The following CDH12 variants were observed in gnomAD, a reference collection of about 807,000 sequenced individuals.
The protein encoded by CDH12 is cadherin 12.
A neutral mutation model predicts 74.1 loss-of-function variants in CDH12; 41 were observed. The observed-to-expected ratio is 0.55, with a 90% CI of 0.43 to 0.72. The LOEUF (loss-of-function observed/expected upper bound fraction) is 0.72, where lower values mean the gene tolerates loss of function less well. Among genes scored for constraint, CDH12 ranks in the 30% least tolerant of loss-of-function variants. The pLI is 0.00. For missense variants in CDH12, 945 were observed against 977.2 expected, an observed-to-expected ratio of 0.97 and a Z score of 0.44; for synonymous variants, 399 against 355.0, an observed-to-expected ratio of 1.12 and a Z score of -1.39.
chr5:22,270,945 T>C (rs573927116), intron 3 of CDH12, among the ~76,000 whole-genome samples: 4 of 152,260 alleles, frequency 2.6e-5, no homozygotes, highest in Admixed American at 2.0e-4. Flanking sequence ...AATGCTGGGA[T>C]TACAGATGTG....
At chr5:21,941,594 T>C (rs1316377395) in intron 6 of CDH12, among the ~76,000 whole-genome samples, 1 of 151,866 alleles carries the variant, frequency 6.6e-6, no homozygotes, top group East Asian at 1.9e-4. Context: ...TGTACTTAGA[T>C]GTAGCTGAAT....
intron 6 of CDH12, among the ~76,000 whole-genome samples, chr5:21,956,980 T>G (rs1422540817): frequency 6.6e-6 from 1 of 151,986 alleles, no homozygotes; most frequent in Non-Finnish European, 1.5e-5. Context: ...TAAACTCGTG[T>G]CACCAGGGTT....
chr5:22,313,763 C>G (rs1738489077), intron 3 of CDH12, among the ~76,000 whole-genome samples: 2 of 151,930 alleles, frequency 1.3e-5, no homozygotes, highest in Non-Finnish European at 2.9e-5. Context: ...CACTTAGAAA[C>G]GGAAGGAAGT....
chr5:22,248,095 G>A lies in CDH12; in HGVS notation c.-332-35452C>T, dbSNP rs145824276. Among the ~76,000 whole-genome samples the A allele has an allele frequency of 1.5e-3, 223 of 152,132 alleles. 2 individuals are homozygous for A. Among genetic ancestry groups the A allele is most frequent in the African/African-American group, 5.0e-3 (207 of 41,522 alleles). The stretch of plus-strand genomic sequence containing the variant: ...GTGGATCACCTGAGGTTAGGAGTTC[G>A]AAACCAGCCTGGCCAACATGGTGGT... On this transcript the variant is annotated intron_variant, in intron 3 of 14. Transcript: ENST00000382254.
chr5:21,846,192 A>C (rs1750157283), intron 7 of CDH12, among the ~76,000 whole-genome samples: 2 of 152,164 alleles, frequency 1.3e-5, no homozygotes, highest in Admixed American at 6.6e-5. Flanking sequence ...ACCTTATGCA[A>C]ACAGTACACC....
chr5:22,838,193 AT>A (rs1736918686), intron 1 of CDH12, among the ~76,000 whole-genome samples: 2 of 151,928 alleles, frequency 1.3e-5, no homozygotes, highest in Admixed American at 6.6e-5. Flanking sequence ...ACTCATCTCT[AT>A]TTCCTTGGCT....
intron 14 of CDH12, 60 bp downstream of exon 14, chr5:21,755,531 A>G: frequency 2.0e-6 from 3 of 1,471,886 alleles, no homozygotes; most frequent in East Asian, 2.3e-5. Flanking sequence ...GAGGAGAGAG[A>G]GGGGAAAAAA....
chr5:21,821,380 C>T (rs1347836039), intron 8 of CDH12, among the ~76,000 whole-genome samples: 1 of 151,472 alleles, frequency 6.6e-6, no homozygotes, highest in African/African-American at 2.4e-5. Flanking sequence ...AGGACCTGAA[C>T]AAATATATTA....
At chr5:22,718,079 G>A (rs907110567) in intron 1 of CDH12, among the ~76,000 whole-genome samples, 2 of 152,108 alleles carry the variant, frequency 1.3e-5, no homozygotes. Context: ...GCTAATACAT[G>A]TTTATTAAAT....
chr5:21,853,785 AG>A (rs1750602327), intron 7 of CDH12, among the ~76,000 whole-genome samples: 1 of 151,830 alleles, frequency 6.6e-6, no homozygotes, highest in Non-Finnish European at 1.5e-5. Flanking sequence ...CAAATTTAAA[AG>A]GTAACTTATT....
intron 1 of CDH12, among the ~76,000 whole-genome samples, chr5:22,735,798 A>C (rs919147682): frequency 6.6e-6 from 1 of 151,902 alleles, no homozygotes; most frequent in Admixed American, 6.6e-5. Context: ...TACTCAAAAA[A>C]TGAGTGTTTA....
At chr5:22,770,380 G>A (rs1183736491) in intron 1 of CDH12, among the ~76,000 whole-genome samples, 1 of 152,090 alleles carries the variant, frequency 6.6e-6, no homozygotes, top group African/African-American at 2.4e-5. Context: ...AGCAACTCCT[G>A]TACATTGCCC....
At chr5:21,899,073 G>T (rs1372631713) in intron 6 of CDH12, among the ~76,000 whole-genome samples, 1 of 152,094 alleles carries the variant, frequency 6.6e-6, no homozygotes, top group Non-Finnish European at 1.5e-5. Flanking sequence ...CCACCTGGGG[G>T]TTGTTCCCTC....
chr5:22,738,516 T>C (rs1473684204), intron 1 of CDH12, among the ~76,000 whole-genome samples: 1 of 152,054 alleles, frequency 6.6e-6, no homozygotes, highest in Non-Finnish European at 1.5e-5. Flanking sequence ...TTACCTTGTA[T>C]ACAGGAGAAA....
At chr5:22,618,676 T>C (rs1364144801) in intron 1 of CDH12, among the ~76,000 whole-genome samples, 2 of 152,126 alleles carry the variant, frequency 1.3e-5, no homozygotes, top group Non-Finnish European at 2.9e-5. Flanking sequence ...CAAAGGTGTG[T>C]TTTAAAAATA....
chr5:22,616,806 A>T (rs1236950226), intron 1 of CDH12, among the ~76,000 whole-genome samples: 1 of 152,022 alleles, frequency 6.6e-6, no homozygotes, highest in Non-Finnish European at 1.5e-5. Flanking sequence ...GAGGTAGGAC[A>T]CTTGAGAGTT....
intron 1 of CDH12, among the ~76,000 whole-genome samples, chr5:22,727,832 G>A (rs2126999370): frequency 6.6e-6 from 1 of 151,450 alleles, no homozygotes; most frequent in South Asian, 2.1e-4. Context: ...TCCCTTGAGT[G>A]TAGTGTATCA....
At chr5:22,051,302 T>C (rs1740347062) in intron 5 of CDH12, among the ~76,000 whole-genome samples, 2 of 152,152 alleles carry the variant, frequency 1.3e-5, no homozygotes, top group Admixed American at 1.3e-4. Context: ...CTTTTTTATA[T>C]GGTAAAGTCA....
At chr5:22,733,439 C>CT (rs76609709) in intron 1 of CDH12, among the ~76,000 whole-genome samples, 9,480 of 142,460 alleles carry the variant, frequency 0.067, 357 homozygotes, top group African/African-American at 0.11. Context: ...CTTTGTGAAT[C>CT]TTTTTTTTTT....
Sources: allele counts gnomAD v4.1 joint callset (sites outside exome capture counted in the v4.1 genomes callset), GRCh38; gene constraint gnomAD v4.1.1; transcripts MANE v1.5; gene names NCBI Gene and HGNC (gene_info 2026-07-23, HGNC 2026-07-21).